The following TTC9C variants were observed in gnomAD, a reference collection of about 807,000 sequenced individuals.
TTC9C encodes tetratricopeptide repeat protein 9C.
Under a neutral mutation model 22.5 loss-of-function variants are expected in TTC9C, and 15 were observed. That is an observed-to-expected ratio of 0.67 (90% confidence interval 0.45 to 1.03). The LOEUF is 1.03. TTC9C is among the 50% of genes least tolerant of loss of function. The pLI is 0.00. For synonymous variants in TTC9C, 92 were observed against 86.8 expected (o/e 1.06, Z -0.33); for missense variants, 244 against 214.6 (o/e 1.14, Z -0.86).
In TTC9C at chr11:62,728,688, G is replaced by T. The variant is rs1356159721; in HGVS notation, c.-161G>T. 1 of 734,862 alleles carries T rather than the reference G, an allele frequency of 1.4e-6. No individual in the cohort carries two copies. The highest frequency in any genetic ancestry group is 2.7e-5 in the East Asian group (1 of 37,324). The allele number at this position is 734,862 out of a possible 1,614,324, so 45.5% of individuals were successfully genotyped here. ...GAAAGGAGAGGTGGGGCTTTCAGTAGAAACAAGCAAACCGCAGGTCCCTGT... is the reference window on the plus strand; with the variant it reads ...GAAAGGAGAGGTGGGGCTTTCAGTATAAACAAGCAAACCGCAGGTCCCTGT... On this transcript the variant is annotated 5_prime_UTR_variant, in exon 1 of 3. Transcript: ENST00000316461.
At chr11:62,729,833 T>A (rs764078783) in intron 1 of TTC9C, among the ~76,000 whole-genome samples, 1 of 152,084 alleles carries the variant, frequency 6.6e-6, no homozygotes, top group Non-Finnish European at 1.5e-5. Flanking sequence ...GCCTCTACCT[T>A]CCAAGGTGCT....
Position 62,735,548 on chromosome 11 carries a change from G to C in TTC9C, c.405G>C (p.Val135=), listed in dbSNP as rs376487549. The change falls in exon 2 of 3, where the codon GTG becomes GTC. Residue 135 remains valine (V), a synonymous_variant. Transcript: ENST00000316461. ...DQARHYLLAA[V]NRQPKDANVR... ...CCCGCCACTACCTCCTGGCTGCCGT[G>C]AATAGGCAGCCTAAAGGTAAGCAAG... The C allele has an allele frequency of 6.2e-7, 1 of 1,613,172 alleles. No individual in the cohort carries two copies.
chr11:62,733,668 A>G (rs905327071), intron 1 of TTC9C, among the ~76,000 whole-genome samples: 2 of 151,894 alleles, frequency 1.3e-5, no homozygotes, highest in East Asian at 1.9e-4. Flanking sequence ...CAGTGGTACA[A>G]TCTCGGCTCA....
rs369621107 is a variant in TTC9C at position 62,738,268 on chromosome 11, C to T, written c.422-20C>T. 33 of 1,542,184 alleles carry T rather than the reference C, an allele frequency of 2.1e-5. No homozygotes were observed. In the African/African-American group the frequency reaches 3.4e-4, roughly 16 times the overall value. ...AACTGACTCTAACTGTTTCTAATTGCTTCTCCATCATCTTCCAAGATGCCA... is the reference window on the plus strand; with the variant it reads ...AACTGACTCTAACTGTTTCTAATTGTTTCTCCATCATCTTCCAAGATGCCA... On this transcript the variant is annotated intron_variant, in intron 2 of 2. Coordinates refer to ENST00000316461, the MANE Select transcript of TTC9C (RefSeq NM_173810.4).
At chr11:62,729,407 A>ATCTTAT (rs1311443582) in intron 1 of TTC9C, among the ~76,000 whole-genome samples, 1 of 81,964 alleles carries the variant, frequency 1.2e-5, no homozygotes, top group Non-Finnish European at 2.7e-5. Flanking sequence ...ATTTTATTTT[A>ATCTTAT]TTTTTTTTTG....
chr11:62,729,750 A>AT (rs1307078488), intron 1 of TTC9C, among the ~76,000 whole-genome samples: 4 of 151,616 alleles, frequency 2.6e-5, no homozygotes, highest in African/African-American at 9.7e-5. Context: ...TAATTTTTGT[A>AT]TTTTTAGTAG....
intron 2 of TTC9C, among the ~76,000 whole-genome samples, chr11:62,736,653 C>A (rs532106857): frequency 6.7e-6 from 1 of 149,760 alleles, no homozygotes; most frequent in Non-Finnish European, 1.5e-5. Flanking sequence ...GAGATCCTGC[C>A]GGTGCATTCC....
At chr11:62,733,219 AT>A in intron 1 of TTC9C, 1 of 1,243,642 alleles carries the variant, frequency 8.0e-7, no homozygotes, top group Admixed American at 2.7e-5. Context: ...TCAAGGTCCC[AT>A]TAAGTCATCC....
chr11:62,735,886 C>T (rs576251271), intron 2 of TTC9C: 129 of 164,568 alleles, frequency 7.8e-4, no homozygotes, highest in Admixed American at 1.6e-3. Flanking sequence ...TGTATATCAA[C>T]GTGCTTTTAT....
intron 2 of TTC9C, among the ~76,000 whole-genome samples, chr11:62,737,978 T>C (rs2083930443): frequency 2.6e-5 from 4 of 152,004 alleles, no homozygotes; most frequent in African/African-American, 9.7e-5. Flanking sequence ...TTGCAGTAAG[T>C]GGAGATCCCA....
At chr11:62,734,276 C>T (rs900137772) in intron 1 of TTC9C, among the ~76,000 whole-genome samples, 2 of 150,510 alleles carry the variant, frequency 1.3e-5, no homozygotes, top group African/African-American at 2.4e-5. Flanking sequence ...CCAGCCTGGG[C>T]GACAGAGCGA....
In TTC9C at chr11:62,728,854, G is replaced by T. The variant is rs765343603; in HGVS notation, c.6G>T (p.Glu2Asp). 8 of 1,614,008 alleles carry T rather than the reference G, an allele frequency of 5.0e-6. No homozygotes were observed. In the South Asian group the frequency reaches 7.7e-5, roughly 16 times the overall value. ...AAGAACCGTGGGCGACAGTTATGGA[G>T]AAGCGTCTGCAGGAGGCTCAGCTGT... is the stretch of plus-strand genomic sequence containing the variant. M[E>D]KRLQEAQLYK... is the part of the protein sequence containing the mutation. The change falls in exon 1 of 3, where the codon GAG becomes GAT. Residue 2 changes from glutamate (E) to aspartate (D), a missense_variant. By Grantham distance (45) the Glu-to-Asp change is conservative (BLOSUM62 2). Transcript: ENST00000316461.
At chr11:62,729,372 TTTTTATTTTATTTTA>T (rs140723477) in intron 1 of TTC9C, among the ~76,000 whole-genome samples, 22 of 138,290 alleles carry the variant, frequency 1.6e-4, no homozygotes, top group East Asian at 1.1e-3. Context: ...TTTCTTTATT[TTTTTATTTTATTTTA>T]TTTTATTTTA....
intron 1 of TTC9C, among the ~76,000 whole-genome samples, chr11:62,732,256 A>G (rs2083860007): frequency 6.6e-6 from 1 of 151,912 alleles, no homozygotes; most frequent in Non-Finnish European, 1.5e-5. Flanking sequence ...CAGCCTCCCA[A>G]AGTGCTGGCA....
Position 62,738,383 on chromosome 11 carries a change from CAA to C in TTC9C, c.*3_*4del. 1 of 1,602,188 alleles carries C rather than the reference CAA, an allele frequency of 6.2e-7. No individual in the cohort carries two copies. The highest frequency in any genetic ancestry group is 8.5e-7 in the Non-Finnish European group (1 of 1,171,126). On this transcript the variant is annotated 3_prime_UTR_variant, in exon 3 of 3. Coordinates refer to ENST00000316461, the MANE Select transcript of TTC9C (RefSeq NM_173810.4). ...GCTCTACCTGGGCATGTTTGGTTAACAAAGAAGAAAGATGCTCCTCCAGTTGA... is the reference window on the plus strand; with the variant it reads ...GCTCTACCTGGGCATGTTTGGTTAACAGAAGAAAGATGCTCCTCCAGTTGA...
At chr11:62,735,594 G>C (rs539264626) in intron 2 of TTC9C, 30 bp downstream of exon 2, 1 of 1,573,232 alleles carries the variant, frequency 6.4e-7, no homozygotes, top group Admixed American at 1.9e-5. Context: ...AAATGGTAAA[G>C]ACAAAATTGT....
chr11:62,738,287 G>A lies in TTC9C; in HGVS notation c.422-1G>A. 1 of 1,607,562 alleles carries A rather than the reference G, an allele frequency of 6.2e-7. No homozygotes were observed. Among genetic ancestry groups the A allele is most frequent in the Non-Finnish European group, 8.5e-7 (1 of 1,175,670 alleles). ...TAATTGCTTCTCCATCATCTTCCAA[G>A]ATGCCAACGTCCGGCGGTACCTCCA... On this transcript the variant is annotated splice_acceptor_variant, in intron 2 of 2. Coordinates refer to ENST00000316461, the MANE Select transcript of TTC9C (RefSeq NM_173810.4). LOFTEE classifies it high-confidence loss of function.
intron 2 of TTC9C, among the ~76,000 whole-genome samples, 186 bp from the exon 3 acceptor site, chr11:62,738,102 G>T (rs910221383): frequency 1.3e-4 from 20 of 151,534 alleles, no homozygotes; most frequent in Non-Finnish European, 1.9e-4. Flanking sequence ...GACAGAGATT[G>T]TTTTTTTTCA....
At position 62,738,578 on chromosome 11, in the gene TTC9C, C is replaced by T. The variant is rs1246008351; in HGVS notation, c.*196C>T. 1 of 467,836 alleles carries T rather than the reference C, an allele frequency of 2.1e-6. No individual in the cohort carries two copies. The highest frequency in any genetic ancestry group is 3.8e-6 in the Non-Finnish European group (1 of 260,006). 29.0% of individuals were successfully genotyped at this position (467,836 alleles called of 1,614,324 possible). A position where few individuals can be genotyped will look rare whatever the true frequency, so the allele number is the denominator to read the frequency against. On this transcript the variant is annotated 3_prime_UTR_variant, in exon 3 of 3. Coordinates refer to ENST00000316461, the MANE Select transcript of TTC9C (RefSeq NM_173810.4). ...TCTATCCATCTGTTTATTTCTATAC[C>T]TTTCAATACATGTTATTGTTGCAGA...
Sources: gnomAD v4.1 joint callset for allele counts (sites outside exome capture counted in the v4.1 genomes callset) on GRCh38, gnomAD v4.1.1 for gene constraint, MANE v1.5 for transcripts, NCBI Gene and HGNC (gene_info 2026-07-23, HGNC 2026-07-21) for gene names.